VPS33A: variants seen among roughly 807,000 people sequenced by gnomAD.
VPS33A encodes VPS33A core subunit of CORVET and HOPS complexes.
In VPS33A, 32 loss-of-function variants were observed where a neutral mutation model predicts 71.8. That is an observed-to-expected ratio of 0.45 (90% CI 0.34 to 0.60). VPS33A has a LOEUF of 0.60. Among genes scored for constraint, VPS33A ranks in the 20% least tolerant of loss-of-function variants. The pLI is 0.02. For synonymous variants in VPS33A, 311 were observed against 292.7 expected (o/e 1.06, Z -0.64); for missense variants, 625 against 748.5 (o/e 0.84, Z 1.92).
intron 4 of VPS33A, among the ~76,000 whole-genome samples, chr12:122,255,875 C>T (rs972699576): frequency 6.6e-5 from 10 of 152,236 alleles, no homozygotes; most frequent in South Asian, 6.2e-4. Flanking sequence ...GTGATCACAG[C>T]GCCCTGCAGC....
intron 3 of VPS33A, 106 bp downstream of exon 3, chr12:122,263,466 C>CCA: frequency 1.5e-6 from 2 of 1,355,002 alleles, no homozygotes; most frequent in Non-Finnish European, 2.0e-6. Context: ...TTCCAAAAGA[C>CCA]CACCTTGCAC....
At chr12:122,246,096 G>GT (rs1954772385) in intron 6 of VPS33A, among the ~76,000 whole-genome samples, 2 of 152,100 alleles carry the variant, frequency 1.3e-5, no homozygotes, top group South Asian at 4.1e-4. Context: ...TGGAGCTGGT[G>GT]TAACTCTGCA....
chr12:122,232,716 T>A (rs1388132178), intron 12 of VPS33A, 84 bp downstream of exon 12: 4 of 1,499,534 alleles, frequency 2.7e-6, no homozygotes, highest in Non-Finnish European at 3.6e-6. Flanking sequence ...CTAAGTGCTT[T>A]ACTATTTTAC....
chr12:122,254,484 C>A (rs1954889149), intron 4 of VPS33A, among the ~76,000 whole-genome samples: 1 of 149,250 alleles, frequency 6.7e-6, no homozygotes, highest in East Asian at 2.0e-4. Flanking sequence ...CTCACTGCAA[C>A]CCCTGCCTCC....
intron 6 of VPS33A, chr12:122,249,642 C>T: frequency 2.8e-6 from 1 of 359,156 alleles, no homozygotes. Context: ...TGGAATGATT[C>T]CTCAAGGCAC....
intron 6 of VPS33A, 128 bp downstream of exon 6, chr12:122,249,743 C>T (rs1954819619): frequency 2.0e-6 from 2 of 992,470 alleles, no homozygotes; most frequent in East Asian, 2.6e-5. Flanking sequence ...TTAATCTACA[C>T]TCTGAATCAT....
At chr12:122,242,246 A>G in intron 8 of VPS33A, 136 bp downstream of exon 8, 1 of 1,105,488 alleles carries the variant, frequency 9.0e-7, no homozygotes, top group Non-Finnish European at 1.3e-6. Flanking sequence ...ATACTTCATT[A>G]ACACTGAGAA....
intron 7 of VPS33A, among the ~76,000 whole-genome samples, chr12:122,242,985 T>A (rs974332531): frequency 3.3e-5 from 5 of 152,182 alleles, no homozygotes. Context: ...TATATATGAC[T>A]GAAATAATAG....
intron 4 of VPS33A, among the ~76,000 whole-genome samples, chr12:122,260,453 C>A (rs569191330): frequency 5.3e-5 from 8 of 152,002 alleles, no homozygotes; most frequent in Non-Finnish European, 1.2e-4. Flanking sequence ...GGACCCACCA[C>A]CACACCCGGT....
chr12:122,235,782 T>C lies in VPS33A; in HGVS notation c.1440+4A>G. ...CTGAGACGAGGTGGAGAAGTGTGGC[T>C]TACTTGCTCATTAACATCATCCATC... On this transcript the variant is annotated splice_donor_region_variant and intron_variant, in intron 11 of 12. Transcript: ENST00000267199. The C allele has an allele frequency of 1.2e-6, 2 of 1,609,830 alleles. No homozygotes were observed. The highest frequency in any genetic ancestry group is 1.7e-6 in the Non-Finnish European group (2 of 1,177,590).
At chr12:122,243,231 AT>A (rs1954737393) in intron 7 of VPS33A, among the ~76,000 whole-genome samples, 2 of 151,972 alleles carry the variant, frequency 1.3e-5, no homozygotes, top group African/African-American at 4.8e-5. Flanking sequence ...AAAAAAATCC[AT>A]TTTTTCTGTT....
intron 8 of VPS33A, among the ~76,000 whole-genome samples, chr12:122,240,708 C>T (rs900565460): frequency 3.3e-5 from 5 of 152,182 alleles, no homozygotes; most frequent in Non-Finnish European, 7.4e-5. Context: ...TGTGTTGTAA[C>T]AAACAAACAA....
chr12:122,236,717 C>CAT (rs1475317368), intron 10 of VPS33A, among the ~76,000 whole-genome samples: 1 of 152,222 alleles, frequency 6.6e-6, no homozygotes, highest in East Asian at 1.9e-4. Flanking sequence ...TAAGCACTTA[C>CAT]ATACATTAAC....
chr12:122,248,467 T>C (rs1954804696), intron 6 of VPS33A: 1 of 152,158 alleles, frequency 6.6e-6, no homozygotes. Flanking sequence ...ATGTATCACA[T>C]TCTAAAGCTG....
At chr12:122,258,589 A>G (rs1954948865) in intron 4 of VPS33A, among the ~76,000 whole-genome samples, 1 of 152,130 alleles carries the variant, frequency 6.6e-6, no homozygotes, top group Non-Finnish European at 1.5e-5. Flanking sequence ...AAAGGCCAAC[A>G]GGCACAAGAA....
intron 8 of VPS33A, chr12:122,241,207 G>A (rs1954709887): frequency 6.6e-6 from 1 of 151,822 alleles, no homozygotes; most frequent in Admixed American, 6.6e-5. Flanking sequence ...CAAACTTATG[G>A]ATAATTTTTT....
intron 7 of VPS33A, among the ~76,000 whole-genome samples, chr12:122,243,401 T>C (rs1383960561): frequency 6.9e-6 from 1 of 145,024 alleles, no homozygotes; most frequent in East Asian, 2.0e-4. Context: ...CCCAGCTAGT[T>C]AAAAAAAAAA....
chr12:122,255,817 T>C (rs1378919603), intron 4 of VPS33A, among the ~76,000 whole-genome samples: 1 of 152,126 alleles, frequency 6.6e-6, no homozygotes, highest in Non-Finnish European at 1.5e-5. Flanking sequence ...TTTTTCGCTT[T>C]TTCTGTGGCC....
chr12:122,242,872 T>A (rs1025204901), intron 7 of VPS33A, among the ~76,000 whole-genome samples: 11 of 152,156 alleles, frequency 7.2e-5, no homozygotes, highest in African/African-American at 2.4e-4. Context: ...AAGTGCTTTG[T>A]TTTTTGTATT....
Sources: gnomAD v4.1 joint callset for allele counts (sites outside exome capture counted in the v4.1 genomes callset) on GRCh38, gnomAD v4.1.1 for gene constraint, MANE v1.5 for transcripts, NCBI Gene and HGNC (gene_info 2026-07-23, HGNC 2026-07-21) for gene names.